SHC2: variants seen among roughly 807,000 people sequenced by gnomAD.
The protein encoded by SHC2 is SHC-transforming protein 2.
Under a neutral mutation model 60.6 loss-of-function variants are expected in SHC2, and 62 were observed. The observed-to-expected ratio is 1.02, with a 90% CI of 0.83 to 1.26. The LOEUF (loss-of-function observed/expected upper bound fraction) is 1.26. SHC2 is among the 50% of genes most tolerant of loss of function. The probability of loss-of-function intolerance (pLI) is 0.00; values close to 1 mark genes in which losing one functional copy is unlikely to be tolerated. For missense variants in SHC2, 873 were observed against 822.2 expected (o/e 1.06, Z -0.76); for synonymous variants, 375 against 372.4 (o/e 1.01, Z -0.08).
At chr19:420,095 A>T (rs896304485) in intron 11 of SHC2, among the ~76,000 whole-genome samples, 4 of 152,204 alleles carry the variant, frequency 2.6e-5, no homozygotes, top group African/African-American at 9.6e-5. Context: ...GACGTTCTGA[A>T]GCTTCTCCAG....
Position 441,912 on chromosome 19 carries a change from C to T in SHC2, c.469-980G>A, listed in dbSNP as rs1484465952. On this transcript the variant is annotated intron_variant, in intron 1 of 12. Transcript: ENST00000264554. The surrounding 1 kb of genome is among the most constrained non-coding windows in gnomAD (Gnocchi z 4.9). ...GACTTTACCCCACAGATACATCAGC[C>T]TGAGGGCTTCTGAGGTGTGTACAGG... Among the ~76,000 whole-genome samples, 1 of 152,250 alleles carries T rather than the reference C, an allele frequency of 6.6e-6. No individual in the cohort carries two copies. The highest frequency in any genetic ancestry group is 1.5e-5 in the Non-Finnish European group (1 of 68,050).
chr19:426,139 G>A (rs1242720430), intron 9 of SHC2, among the ~76,000 whole-genome samples: 4 of 152,172 alleles, frequency 2.6e-5, no homozygotes, highest in East Asian at 3.8e-4. Context: ...ATTCTGCCAG[G>A]TCCTGACCAG....
At chr19:430,565 C>T in intron 9 of SHC2, 119 bp downstream of exon 9, 1 of 761,140 alleles carries the variant, frequency 1.3e-6, no homozygotes, top group Non-Finnish European at 2.1e-6. Flanking sequence ...GCAAGACGAT[C>T]TCATAGATTA....
chr19:450,020 G>A lies in SHC2; in HGVS notation c.469-9088C>T, dbSNP rs183949879. ...TGACCAGTGCCGCCCTCCACCCCTG[G>A]CCAGGAGGACGCCCCTCCCACTGGC... On this transcript the variant is annotated intron_variant, in intron 1 of 12. Transcript: ENST00000264554. Among the ~76,000 whole-genome samples, 933 of 152,340 alleles carry A rather than the reference G, an allele frequency of 6.1e-3. 10 individuals are homozygous for A. Among genetic ancestry groups the A allele is most frequent in the African/African-American group, 0.021 (889 of 41,580 alleles).
At chr19:457,870 C>T (rs1413388307) in intron 1 of SHC2, among the ~76,000 whole-genome samples, 6 of 152,354 alleles carry the variant, frequency 3.9e-5, no homozygotes, top group Non-Finnish European at 5.9e-5. Flanking sequence ...CGGGAGACGG[C>T]GAGGGCGGCC....
Position 436,932 on chromosome 19 carries a change from C to T in SHC2, c.721-249G>A, listed in dbSNP as rs374709525. ...TGTGTGGGGTCCGCAGGAGGTCACA[C>T]GGGAATGTGTGTGAGAGGACAAACC... On this transcript the variant is annotated intron_variant, in intron 4 of 12. Transcript: ENST00000264554. Among the ~76,000 whole-genome samples the T allele has an allele frequency of 1.7e-4, 26 of 152,164 alleles. No homozygotes were observed. In the South Asian group the frequency reaches 2.7e-3, roughly 16 times the overall value.
chr19:457,720 T>A (rs117525636), intron 1 of SHC2, among the ~76,000 whole-genome samples: 2,420 of 152,350 alleles, frequency 0.016, 31 homozygotes, highest in South Asian at 0.044. Flanking sequence ...CCCTGGCGTC[T>A]GAATTCTGAA....
In SHC2 at chr19:434,861, C is replaced by T; in HGVS notation, c.958G>A (p.Ala320Thr). 1.2e-6 allele frequency: 2 copies of T among 1,609,842 alleles called. No individual in the cohort carries two copies. The highest frequency in any genetic ancestry group is 8.5e-7 in the Non-Finnish European group (1 of 1,179,476). The change falls in exon 8 of 13, where the codon GCA becomes ACA. Residue 320 changes from alanine to threonine, a missense_variant. Ala to Thr is a moderately conservative substitution (Grantham distance 58, BLOSUM62 0). Transcript: ENST00000264554. ...PKVALPPERL[A>T]GPEESAWGDE... Reference sequence around the variant, plus strand: ...CCCCAGGCCGACTCCTCCGGCCCTGCCAGCCTGGGGGACAGACAACAACGG... The same window carrying T: ...CCCCAGGCCGACTCCTCCGGCCCTGTCAGCCTGGGGGACAGACAACAACGG...
In SHC2 at chr19:422,253, C is replaced by T. The variant is rs755822610; in HGVS notation, c.1513G>A (p.Gly505Arg). 4.3e-6 allele frequency: 7 copies of T among 1,612,272 alleles called. No individual in the cohort carries two copies. Among genetic ancestry groups the T allele is most frequent in the African/African-American group, 2.7e-5 (2 of 74,914 alleles). ...ACGCTGTCTCGCACAAGGAAGTCCC[C>T]GTCAGCTCGAAGCATCCTCTCTGCC... is the stretch of plus-strand genomic sequence containing the variant. ...RAAERMLRAD[G>R]DFLVRDSVTN... The change falls in exon 11 of 13, where the codon GGG becomes AGG. Residue 505 changes from glycine (G) to arginine (R), a missense_variant. By Grantham distance (125) the Gly-to-Arg change is moderately radical. Transcript: ENST00000264554. The surrounding 1 kb of genome is among the most constrained non-coding windows in gnomAD (Gnocchi z 5.0).
rs1228358157 is a variant in SHC2 at position 445,122 on chromosome 19, G to A, written c.469-4190C>T. ...TTTAAAAAAGAGACCAGAAATTCAG[G>A]GCTTTTCTGTGAAATTCTCCCAGTT... On this transcript the variant is annotated intron_variant, in intron 1 of 12. Transcript: ENST00000264554. This position sits in a 1 kb window ranked among gnomAD's most constrained non-coding sequence, Gnocchi z 4.4. 1.3e-5 allele frequency among the ~76,000 whole-genome samples: 2 copies of A among 152,232 alleles called. No homozygotes were observed. The highest frequency in any genetic ancestry group is 2.1e-4 in the South Asian group (1 of 4,832).
In SHC2 at chr19:457,184, G is replaced by A. The variant is rs1253377019; in HGVS notation, c.468+3345C>T. On this transcript the variant is annotated intron_variant, in intron 1 of 12. Transcript: ENST00000264554. ...AGGCCTTTGCACCAGCACCTGCTGT[G>A]CCCCGACTAGAACTCTGTCTGCAAA... Among the ~76,000 whole-genome samples the A allele has an allele frequency of 4.4e-4, 53 of 119,626 alleles. 9 individuals are homozygous for A. Among genetic ancestry groups the A allele is most frequent in the Non-Finnish European group, 6.1e-4 (36 of 58,550 alleles). The allele number at this position is 119,626 out of a possible 152,430, so 78.5% of individuals were successfully genotyped here.
intron 7 of SHC2, chr19:435,908 G>C (rs763837179): frequency 2.1e-5 from 10 of 467,898 alleles, no homozygotes; most frequent in Non-Finnish European, 3.9e-5. Context: ...TGTAGCAGCA[G>C]GGCTGACAGC....
intron 9 of SHC2, among the ~76,000 whole-genome samples, chr19:428,143 T>C (rs1420048291): frequency 6.6e-6 from 1 of 152,116 alleles, no homozygotes; most frequent in Admixed American, 6.5e-5. Flanking sequence ...GAGGACTGCT[T>C]GAGCCTGAGA....
In SHC2 at chr19:444,013, G is replaced by A. The variant is rs953189154; in HGVS notation, c.469-3081C>T. 3.2e-4 allele frequency among the ~76,000 whole-genome samples: 46 copies of A among 143,540 alleles called. 1 individual carries two copies. Among genetic ancestry groups the A allele is most frequent in the Admixed American group, 3.1e-3 (45 of 14,376 alleles). The allele number at this position is 143,540 out of a possible 152,430, so 94.2% of individuals were successfully genotyped here. On this transcript the variant is annotated intron_variant, in intron 1 of 12. Coordinates refer to ENST00000264554, the MANE Select transcript of SHC2 (RefSeq NM_012435.3). ...GATGGATGGACAGATGGATGGATGGGTGGATGGATGTGTAGGTGGATGGGT... is the reference window on the plus strand; with the variant it reads ...GATGGATGGACAGATGGATGGATGGATGGATGGATGTGTAGGTGGATGGGT...
chr19:424,590 G>C lies in SHC2; in HGVS notation c.1309+507C>G, dbSNP rs1472584773. On this transcript the variant is annotated intron_variant, in intron 10 of 12. Transcript: ENST00000264554. The surrounding 1 kb of genome is among the most constrained non-coding windows in gnomAD (Gnocchi z 4.5). The stretch of plus-strand genomic sequence containing the variant: ...AGGGTCTGGCTTCCCCTGTTGACTG[G>C]AGGGCCTCACAGACGGGGCCGCAGC... Among the ~76,000 whole-genome samples, 1 of 152,182 alleles carries C rather than the reference G, an allele frequency of 6.6e-6. No individual in the cohort carries two copies. Among genetic ancestry groups the C allele is most frequent in the Non-Finnish European group, 1.5e-5 (1 of 68,048 alleles).
rs1418970210 is a variant in SHC2, at chr19:446,282, T to G, written c.469-5350A>C. ...CTGTGACAGAACAAGTCTATGTTTGTGTGTGTGTGTGTTTTGTTTTGTTTT... is the reference window on the plus strand; with the variant it reads ...CTGTGACAGAACAAGTCTATGTTTGGGTGTGTGTGTGTTTTGTTTTGTTTT... On this transcript the variant is annotated intron_variant, in intron 1 of 12. Coordinates refer to ENST00000264554, the MANE Select transcript of SHC2 (RefSeq NM_012435.3). The surrounding 1 kb of genome is among the most constrained non-coding windows in gnomAD (Gnocchi z 5.4). Among the ~76,000 whole-genome samples, 2 of 151,796 alleles carry G rather than the reference T, an allele frequency of 1.3e-5. No individual in the cohort carries two copies. The highest frequency in any genetic ancestry group is 4.8e-5 in the African/African-American group (2 of 41,340).
Position 416,768 on chromosome 19 carries a change from G to A in SHC2, c.*560C>T, listed in dbSNP as rs936003963. ...GACTGCCTCGATATCCACTGTCTTG[G>A]AGCAGCCTGGCTACCCCGAGATCCC... On this transcript the variant is annotated 3_prime_UTR_variant, in exon 13 of 13. Transcript: ENST00000264554. 2 of 152,182 alleles carry A rather than the reference G, an allele frequency of 1.3e-5. No homozygotes were observed. The highest frequency in any genetic ancestry group is 2.4e-5 in the African/African-American group (1 of 41,418). The allele number at this position is 152,182 out of a possible 1,614,324, so 9.4% of individuals were successfully genotyped here. A position where few individuals can be genotyped will look rare whatever the true frequency, so the allele number is the denominator to read the frequency against.
chr19:438,783 C>A lies in SHC2; in HGVS notation c.655G>T (p.Gly219Cys), dbSNP rs377379245. The change falls in exon 4 of 13, where the codon GGC (glycine) becomes TGC (cysteine). Residue 219 changes from glycine (G) to cysteine (C), a missense_variant. By Grantham distance (159) the Gly-to-Cys change is radical (BLOSUM62 -3). Coordinates refer to ENST00000264554, the MANE Select transcript of SHC2 (RefSeq NM_012435.3). The surrounding 1 kb of genome is among the most constrained non-coding windows in gnomAD (Gnocchi z 5.0). ...GAGATGTGGATGGAGATGCTCATGC[C>A]GGCAAAGCGAAGGTTGCTCTTGCCC... The part of the protein sequence containing the change: ...VLGKSNLRFA[G>C]MSISIHISTD... 6.3e-7 allele frequency: 1 copy of A among 1,576,220 alleles called. No homozygotes were observed. The highest frequency in any genetic ancestry group is 8.6e-7 in the Non-Finnish European group (1 of 1,162,322).
intron 1 of SHC2, among the ~76,000 whole-genome samples, chr19:454,604 G>A (rs546675703): frequency 6.6e-5 from 10 of 152,278 alleles, no homozygotes; most frequent in South Asian, 2.1e-4. Context: ...CTGGCCAACA[G>A]GGTGAAACCC....
Sources: allele counts gnomAD v4.1 joint callset (sites outside exome capture counted in the v4.1 genomes callset), GRCh38; gene constraint gnomAD v4.1.1; non-coding constraint Gnocchi (gnomAD v3.1); transcripts MANE v1.5; gene names NCBI Gene and HGNC (gene_info 2026-07-23, HGNC 2026-07-21).